The following SEC63 variants were observed in gnomAD, a reference collection of about 807,000 sequenced individuals.
The protein encoded by SEC63 is SEC63 protein translocation regulator.
A neutral mutation model predicts 116.2 loss-of-function variants in SEC63; 56 were observed. The observed-to-expected ratio is 0.48, with a 90% CI of 0.39 to 0.60. The LOEUF is 0.60. Among genes scored for constraint, SEC63 ranks in the 20% least tolerant of loss-of-function variants. The pLI, the probability that SEC63 is intolerant of heterozygous loss-of-function variation, is 0.00. For missense variants in SEC63, 668 were observed against 900.0 expected (o/e 0.74, Z 3.30); for synonymous variants, 273 against 294.6 (o/e 0.93, Z 0.75).
chr6:107,927,349 A>G (rs1436103481), intron 2 of SEC63, among the ~76,000 whole-genome samples: 1 of 152,184 alleles, frequency 6.6e-6, no homozygotes, highest in East Asian at 1.9e-4. Flanking sequence ...TACAGGCATG[A>G]GCCACCACGC....
chr6:107,898,625 G>C (rs1400845724), intron 13 of SEC63, among the ~76,000 whole-genome samples: 1 of 151,924 alleles, frequency 6.6e-6, no homozygotes, highest in Non-Finnish European at 1.5e-5. Context: ...TACTAAATAC[G>C]TGTTTTTGCA....
chr6:107,905,605 C>T (rs1787131976), intron 10 of SEC63, among the ~76,000 whole-genome samples: 1 of 152,180 alleles, frequency 6.6e-6, no homozygotes, highest in Non-Finnish European at 1.5e-5. Context: ...GAATACATGG[C>T]TTCAAGTACT....
At chr6:107,894,447 G>A (rs900698271) in intron 14 of SEC63, among the ~76,000 whole-genome samples, 1 of 152,028 alleles carries the variant, frequency 6.6e-6, no homozygotes, top group East Asian at 1.9e-4. Flanking sequence ...GCCAAGGCAG[G>A]AGGATTGCTT....
intron 6 of SEC63, among the ~76,000 whole-genome samples, chr6:107,911,622 A>C (rs1303576464): frequency 6.6e-6 from 1 of 152,218 alleles, no homozygotes; most frequent in Non-Finnish European, 1.5e-5. Flanking sequence ...TTGTCCTAGG[A>C]CACAGCTAGC....
intron 1 of SEC63, among the ~76,000 whole-genome samples, chr6:107,940,306 G>A (rs1380460361): frequency 3.9e-5 from 6 of 152,018 alleles, no homozygotes; most frequent in Non-Finnish European, 1.5e-5. Flanking sequence ...AATAAATCAA[G>A]AGCTTTGTCT....
At chr6:107,948,697 T>C (rs1052831325) in intron 1 of SEC63, among the ~76,000 whole-genome samples, 1 of 152,110 alleles carries the variant, frequency 6.6e-6, no homozygotes, top group East Asian at 1.9e-4. Context: ...CTCCCTGCCC[T>C]CCTGATGCCC....
chr6:107,918,748 C>A (rs1183782432), intron 4 of SEC63, among the ~76,000 whole-genome samples: 2 of 151,272 alleles, frequency 1.3e-5, no homozygotes, highest in Non-Finnish European at 2.9e-5. Context: ...GCTATAGCTG[C>A]TACAGACACA....
chr6:107,924,745 T>C, intron 3 of SEC63, 73 bp downstream of exon 3: 1 of 771,780 alleles, frequency 1.3e-6, no homozygotes. Flanking sequence ...AGACAATTTC[T>C]TTTAGAATGA....
chr6:107,952,286 G>T (rs72949023), intron 1 of SEC63, among the ~76,000 whole-genome samples: 1 of 152,052 alleles, frequency 6.6e-6, no homozygotes, highest in Non-Finnish European at 1.5e-5. Context: ...GCCAATAAAC[G>T]AACTATTTCC....
chr6:107,898,421 T>TC (rs1786917248), intron 13 of SEC63, among the ~76,000 whole-genome samples: 1 of 152,168 alleles, frequency 6.6e-6, no homozygotes, highest in Non-Finnish European at 1.5e-5. Context: ...AAAATAGGGT[T>TC]CTGTCACCCT....
At chr6:107,920,382 C>T (rs1402491638) in intron 4 of SEC63, among the ~76,000 whole-genome samples, 2 of 136,220 alleles carry the variant, frequency 1.5e-5, no homozygotes, top group South Asian at 2.4e-4. Context: ...GCCGAGATAG[C>T]GCCACTGCAG....
chr6:107,895,850 G>A lies in SEC63; in HGVS notation c.1440+1799C>T, dbSNP rs542248964. On this transcript the variant is annotated intron_variant, in intron 14 of 20. Coordinates refer to ENST00000369002, the MANE Select transcript of SEC63 (RefSeq NM_007214.5). ...TCAGCTGGGCAGCCTACAGAGACCC[G>A]CACCTCTATTAAAAAAAAAAAAAAA... Among the ~76,000 whole-genome samples the A allele has an allele frequency of 2.1e-3, 215 of 104,624 alleles. 1 individual carries two copies. The highest frequency in any genetic ancestry group is 7.6e-3 in the African/African-American group (184 of 24,344). 68.6% of individuals were successfully genotyped at this position (104,624 alleles called of 152,430 possible).
intron 8 of SEC63, among the ~76,000 whole-genome samples, chr6:107,907,169 T>C (rs980509967): frequency 2.0e-5 from 3 of 152,252 alleles, no homozygotes; most frequent in Non-Finnish European, 4.4e-5. Context: ...AGTTAAAGGT[T>C]TCTTTACTAC....
intron 2 of SEC63, among the ~76,000 whole-genome samples, chr6:107,927,034 C>G (rs1787691416): frequency 1.3e-5 from 2 of 152,230 alleles, no homozygotes; most frequent in Middle Eastern, 3.4e-3. Flanking sequence ...TTTCCCCATA[C>G]TTGGCTTCAG....
At chr6:107,933,702 G>GCCTCTC (rs1362422182) in intron 1 of SEC63, among the ~76,000 whole-genome samples, 5 of 144,128 alleles carry the variant, frequency 3.5e-5, no homozygotes, top group Admixed American at 2.8e-4. Context: ...CCCTGCCCCT[G>GCCTCTC]CCTCTCCCTC....
intron 4 of SEC63, among the ~76,000 whole-genome samples, chr6:107,920,699 T>C (rs1258700751): frequency 6.6e-6 from 1 of 152,190 alleles, no homozygotes; most frequent in Non-Finnish European, 1.5e-5. Flanking sequence ...TTTCATTCAA[T>C]GTAAGAGCTA....
Position 107,893,819 on chromosome 6 carries a change from C to G in SEC63, c.1500+19G>C. 1.2e-6 allele frequency: 2 copies of G among 1,613,896 alleles called. No individual in the cohort carries two copies. The highest frequency in any genetic ancestry group is 1.1e-5 in the South Asian group (1 of 91,070). ...TTTCTTTCACTAGGAAAAATAGGTT[C>G]GGAAACCCAAGTTTTTACCCCATCT... On this transcript the variant is annotated intron_variant, in intron 15 of 20. Coordinates refer to ENST00000369002, the MANE Select transcript of SEC63 (RefSeq NM_007214.5).
At chr6:107,894,935 C>A (rs1239186686) in intron 14 of SEC63, among the ~76,000 whole-genome samples, 1 of 152,090 alleles carries the variant, frequency 6.6e-6, no homozygotes, top group Non-Finnish European at 1.5e-5. Flanking sequence ...CATGACCACA[C>A]CCATCTGTAA....
intron 1 of SEC63, among the ~76,000 whole-genome samples, chr6:107,936,636 C>T (rs1440181012): frequency 6.6e-6 from 1 of 152,090 alleles, no homozygotes; most frequent in Non-Finnish European, 1.5e-5. Context: ...TGTCAGCAGC[C>T]GAACTTTATA....
Sources: gnomAD v4.1 joint callset for allele counts (sites outside exome capture counted in the v4.1 genomes callset) on GRCh38, gnomAD v4.1.1 for gene constraint, MANE v1.5 for transcripts, NCBI Gene and HGNC (gene_info 2026-07-23, HGNC 2026-07-21) for gene names.